The following DOCK11 variants were observed in gnomAD, a reference collection of about 807,000 sequenced individuals.
DOCK11 encodes the protein dedicator of cytokinesis 11.
Under a neutral mutation model 169.1 loss-of-function variants are expected in DOCK11, and 70 were observed. That is an observed-to-expected ratio of 0.41 (90% CI 0.34 to 0.51). The LOEUF is 0.51. DOCK11 is among the 20% of genes least tolerant of loss of function. The pLI is 0.10. For missense variants in DOCK11, 1,166 were observed against 1,538.8 expected (o/e 0.76, Z 4.05); for synonymous variants, 529 against 541.3 (o/e 0.98, Z 0.32).
intron 14 of DOCK11, among the ~76,000 whole-genome samples, chrX:118,581,805 TAAAAAAAAAAAAAAAAAAA>T (rs35095116): frequency 1.7e-3 from 22 of 12,746 alleles, no homozygotes; most frequent in Non-Finnish European, 2.5e-3. Flanking sequence ...CTCCGTCTCC[TAAAAAAAAAAAAAAAAAAA>T]AAAAAAAAAA....
chrX:118,538,804 T>C (rs771387105), intron 1 of DOCK11: 57 of 274,810 alleles, frequency 2.1e-4, no homozygotes, highest in Non-Finnish European at 2.7e-4. Context: ...AGAAAGACCC[T>C]CTTTGAGTGT....
intron 1 of DOCK11, among the ~76,000 whole-genome samples, chrX:118,517,734 C>T (rs1363145452): frequency 9.0e-6 from 1 of 111,703 alleles, no homozygotes; most frequent in Non-Finnish European, 1.9e-5. Flanking sequence ...AGAGATTAGA[C>T]TTTAATTCCC....
intron 3 of DOCK11, 92 bp downstream of exon 3, chrX:118,543,107 T>C: frequency 1.6e-6 from 1 of 635,444 alleles, no homozygotes; most frequent in Non-Finnish European, 2.3e-6. Context: ...AACCTGTTTA[T>C]AAATACATAA....
chrX:118,671,924 C>T (rs912394284), intron 46 of DOCK11, among the ~76,000 whole-genome samples: 11 of 112,576 alleles, frequency 9.8e-5, no homozygotes, highest in Non-Finnish European at 1.7e-4. Context: ...AGTGATCCTC[C>T]GGCCTTAGCT....
intron 31 of DOCK11, among the ~76,000 whole-genome samples, chrX:118,622,766 G>A (rs776428405): frequency 2.7e-5 from 3 of 111,684 alleles, no homozygotes; most frequent in Admixed American, 1.9e-4. Context: ...TGGGTTTTGC[G>A]CATGTCTCTA....
At chrX:118,628,524 C>G (rs1235694435) in intron 34 of DOCK11, among the ~76,000 whole-genome samples, 1 of 112,486 alleles carries the variant, frequency 8.9e-6, no homozygotes, top group Non-Finnish European at 1.9e-5. Flanking sequence ...TTAACCCTAG[C>G]ACGCTATTTT....
intron 6 of DOCK11, among the ~76,000 whole-genome samples, chrX:118,552,316 T>C (rs2012525309): frequency 9.0e-6 from 1 of 111,659 alleles, no homozygotes; most frequent in African/African-American, 3.2e-5. Context: ...CCAGCAAGTT[T>C]TGCAAGAACA....
chrX:118,549,278 G>A (rs1466097254), intron 6 of DOCK11, among the ~76,000 whole-genome samples: 1 of 109,216 alleles, frequency 9.2e-6, no homozygotes, highest in African/African-American at 3.4e-5. Context: ...CTGTGTAGCT[G>A]GGATTACAGG....
At chrX:118,657,181 G>T (rs1409437179) in intron 44 of DOCK11, among the ~76,000 whole-genome samples, 1 of 110,722 alleles carries the variant, frequency 9.0e-6, no homozygotes, top group Non-Finnish European at 1.9e-5. Context: ...GGGGCAGCTA[G>T]CATAAACACC....
chrX:118,582,610 C>T (rs1020731462), intron 14 of DOCK11, among the ~76,000 whole-genome samples: 12 of 111,554 alleles, frequency 1.1e-4, no homozygotes, highest in African/African-American at 3.9e-4. Context: ...AGGAGGTATG[C>T]TTAGCGAAGG....
intron 31 of DOCK11, among the ~76,000 whole-genome samples, chrX:118,619,051 G>T (rs2014896117): frequency 9.3e-6 from 1 of 107,870 alleles, no homozygotes; most frequent in Admixed American, 9.9e-5. Flanking sequence ...TAGAGATGGG[G>T]TTTCACCATA....
intron 1 of DOCK11, among the ~76,000 whole-genome samples, chrX:118,528,439 A>G (rs2011428424): frequency 8.9e-6 from 1 of 111,939 alleles, no homozygotes; most frequent in African/African-American, 3.3e-5. Context: ...TGAACTGAAA[A>G]TGAAAGCAAG....
chrX:118,598,144 AT>A (rs1296629245), intron 22 of DOCK11, 28 bp downstream of exon 22: 2 of 1,071,718 alleles, frequency 1.9e-6, no homozygotes, highest in Non-Finnish European at 2.6e-6. Context: ...AATTTTGTCA[AT>A]TTTTATACTT....
intron 34 of DOCK11, 110 bp downstream of exon 34, chrX:118,628,382 C>T (rs1403245115): frequency 1.8e-5 from 8 of 444,447 alleles, no homozygotes; most frequent in African/African-American, 9.9e-5. Flanking sequence ...CCTGGCTCTG[C>T]GAAAAGCATC....
In DOCK11 at chrX:118,531,412, C is replaced by CAAAAAAAA. The variant is rs60932296; in HGVS notation, c.103-11281_103-11274dup. 3.1e-4 allele frequency among the ~76,000 whole-genome samples: 9 copies of CAAAAAAAA among 29,205 alleles called. 1 individual carries two copies. The highest frequency in any genetic ancestry group is 7.4e-4 in the African/African-American group (6 of 8,150). The allele number at this position is 29,205 out of a possible 115,157, so 25.4% of individuals were successfully genotyped here. A position where few individuals can be genotyped will look rare whatever the true frequency, so the allele number is the denominator to read the frequency against. On this transcript the variant is annotated intron_variant, in intron 1 of 52. Transcript: ENST00000276202. Reference sequence around the variant, plus strand: ...TCGGGGCTGCAGTGAGCCATATACTCAAAAAAAAAAAAAAAAAAAAAAAAA... The same window carrying CAAAAAAAA: ...TCGGGGCTGCAGTGAGCCATATACTCAAAAAAAAAAAAAAAAAAAAAAAAAAAAAAAAA...
intron 6 of DOCK11, among the ~76,000 whole-genome samples, chrX:118,558,342 T>C (rs927255599): frequency 9.0e-6 from 1 of 111,335 alleles, no homozygotes; most frequent in Non-Finnish European, 1.9e-5. Context: ...TAATGATACT[T>C]ACCCCAAGAG....
At chrX:118,665,278 G>A (rs2016313587) in intron 45 of DOCK11, among the ~76,000 whole-genome samples, 1 of 112,352 alleles carries the variant, frequency 8.9e-6, no homozygotes, top group Non-Finnish European at 1.9e-5. Flanking sequence ...TCATAACAGA[G>A]ATGCAAGATA....
intron 23 of DOCK11, 88 bp from the exon 24 acceptor site, chrX:118,605,150 C>T: frequency 3.5e-6 from 2 of 564,989 alleles, no homozygotes; most frequent in African/African-American, 2.3e-5. Context: ...CAATGTATTT[C>T]TCACTACTTA....
chrX:118,631,522 A>C (rs951376576), intron 35 of DOCK11, among the ~76,000 whole-genome samples: 2 of 112,129 alleles, frequency 1.8e-5, no homozygotes, highest in African/African-American at 6.5e-5. Context: ...AGGCAATGAA[A>C]ATGTTCTAAA....
Sources: allele counts gnomAD v4.1 joint callset (sites outside exome capture counted in the v4.1 genomes callset), GRCh38; gene constraint gnomAD v4.1.1; transcripts MANE v1.5; gene names NCBI Gene and HGNC (gene_info 2026-07-23, HGNC 2026-07-21).